The following UNC13A variants were observed in gnomAD, a reference collection of about 807,000 sequenced individuals.
UNC13A encodes the protein protein unc-13 homolog A.
In UNC13A, 61 loss-of-function variants were observed where a neutral mutation model predicts 219.7. The observed-to-expected ratio is 0.28, with a 90% CI of 0.23 to 0.34. The LOEUF (loss-of-function observed/expected upper bound fraction) is 0.34. Ranked by LOEUF, UNC13A falls within the 10% of genes least tolerant of loss-of-function variation. The pLI is 1.00. For synonymous variants in UNC13A, 920 were observed against 884.6 expected (o/e 1.04, Z -0.71); for missense variants, 1,476 against 2,270.3 (o/e 0.65, Z 7.11).
chr19:17,606,585 C>T (rs2076533668), intron 43 of UNC13A, among the ~76,000 whole-genome samples: 1 of 152,244 alleles, frequency 6.6e-6, no homozygotes, highest in South Asian at 2.1e-4. Context: ...CTGTTCTTCC[C>T]ATTTTTCCAC....
At position 17,639,894 on chromosome 19, in the gene UNC13A, C is replaced by T. The variant is rs1358315756; in HGVS notation, c.2802G>A (p.Val934=). 6.2e-7 allele frequency: 1 copy of T among 1,613,756 alleles called. No individual in the cohort carries two copies. Among genetic ancestry groups the T allele is most frequent in the Admixed American group, 1.7e-5 (1 of 59,996 alleles). ...AGTTATGCAGCTGGTCCAGGAGTTT[C>T]ACGAAGCGCTCTTTCTGAGGAGGAA... ...AASNFGKERF[V]KLLDQLHNSL... is the part of the protein sequence containing the mutation. Residue 934 remains valine, a synonymous_variant, in exon 23 of 44, where the codon GTG becomes GTA. Coordinates refer to ENST00000519716, the MANE Select transcript of UNC13A (RefSeq NM_001080421.3).
At chr19:17,659,243 G>C (rs1358696153) in intron 8 of UNC13A, among the ~76,000 whole-genome samples, 1 of 152,024 alleles carries the variant, frequency 6.6e-6, no homozygotes, top group East Asian at 1.9e-4. Flanking sequence ...AGGAGTTCAA[G>C]ACCAGCCTGG....
chr19:17,648,385 G>T, intron 16 of UNC13A, 46 bp downstream of exon 16: 1 of 1,457,004 alleles, frequency 6.9e-7, no homozygotes, highest in Non-Finnish European at 9.1e-7. Flanking sequence ...AAGCCCCGGG[G>T]CTCCCCACGC....
At chr19:17,639,764 C>T (rs2076948270) in intron 23 of UNC13A, 76 bp downstream of exon 23, 2 of 1,547,816 alleles carry the variant, frequency 1.3e-6, no homozygotes, top group South Asian at 2.2e-5. Context: ...CCCATGCACA[C>T]ACCTGCTGGT....
chr19:17,607,117 C>T (rs541334557), intron 43 of UNC13A, among the ~76,000 whole-genome samples: 27 of 152,212 alleles, frequency 1.8e-4, no homozygotes, highest in African/African-American at 6.3e-4. Context: ...GGCCAATCGC[C>T]CCAAAACCTT....
chr19:17,617,715 C>T lies in UNC13A; in HGVS notation c.4545G>A (p.Thr1515=), dbSNP rs1458643978. ...TDLLIKTFVQ[T]QSAQGLGVED... ...GGGTACCCTTACCCTGGGCCGATTG[C>T]GTCTGTACAAAGGTCTTGATTAGCA... Residue 1515 remains threonine (T), a synonymous_variant, in exon 41 of 44, where the codon ACG becomes ACA. Coordinates refer to ENST00000519716, the MANE Select transcript of UNC13A (RefSeq NM_001080421.3). The T allele has an allele frequency of 6.8e-6, 11 of 1,613,838 alleles. No individual in the cohort carries two copies. The highest frequency in any genetic ancestry group is 9.3e-6 in the Non-Finnish European group (11 of 1,179,766).
intron 11 of UNC13A, among the ~76,000 whole-genome samples, chr19:17,654,048 C>T (rs1244208229): frequency 1.3e-5 from 2 of 151,160 alleles, no homozygotes; most frequent in African/African-American, 2.4e-5. Flanking sequence ...AGGATGGTCT[C>T]GATCTCCTGA....
At chr19:17,671,609 A>T (rs1172277014) in intron 4 of UNC13A, among the ~76,000 whole-genome samples, 1 of 151,974 alleles carries the variant, frequency 6.6e-6, no homozygotes, top group African/African-American at 2.4e-5. Context: ...TGTCTCTATT[A>T]AAAATACAAA....
At chr19:17,631,164 TC>T (rs2076843984) in intron 28 of UNC13A, among the ~76,000 whole-genome samples, 1 of 12,478 alleles carries the variant, frequency 8.0e-5, no homozygotes, top group Non-Finnish European at 1.9e-4. Flanking sequence ...TCTCCCTCCC[TC>T]CCTCCCTCCC....
At chr19:17,686,748 G>A (rs897381866) in intron 1 of UNC13A, among the ~76,000 whole-genome samples, 2 of 151,908 alleles carry the variant, frequency 1.3e-5, no homozygotes, top group South Asian at 2.1e-4. Context: ...CAGCCCGGCC[G>A]GATTTGCACT....
At chr19:17,626,394 C>T in intron 34 of UNC13A, 3 of 477,042 alleles carry the variant, frequency 6.3e-6, no homozygotes, top group East Asian at 6.5e-5. Context: ...CTACCCATCC[C>T]TCATGTCACC....
rs1247284616 is a variant in UNC13A, at chr19:17,652,564, A to G, written c.1439+67T>C. On this transcript the variant is annotated intron_variant, in intron 12 of 43. Coordinates refer to ENST00000519716, the MANE Select transcript of UNC13A (RefSeq NM_001080421.3). ...CCTCCTCCTCTCTGGGCTGAGGCTC[A>G]GGCGCAAACCAGCCTTGGACTTGGG... 10 of 1,603,540 alleles carry G rather than the reference A, an allele frequency of 6.2e-6. No homozygotes were observed. In the Admixed American group the frequency reaches 1.5e-4, roughly 24 times the overall value.
chr19:17,613,118 G>A (rs1197135076), intron 41 of UNC13A, among the ~76,000 whole-genome samples: 1 of 152,050 alleles, frequency 6.6e-6, no homozygotes, highest in African/African-American at 2.4e-5. Flanking sequence ...TGTAATCCCA[G>A]CTACTTGGGA....
intron 42 of UNC13A, 84 bp downstream of exon 42, chr19:17,611,678 AC>A: frequency 7.9e-7 from 1 of 1,273,424 alleles, no homozygotes; most frequent in Non-Finnish European, 1.1e-6. Flanking sequence ...AACAACAACA[AC>A]AAAAAAAGGG....
chr19:17,603,329 T>G lies in UNC13A; in HGVS notation c.*2725A>C, dbSNP rs1363529481. 1.3e-5 allele frequency: 2 copies of G among 152,158 alleles called. No individual in the cohort carries two copies. The highest frequency in any genetic ancestry group is 2.9e-5 in the Non-Finnish European group (2 of 68,060). 9.4% of individuals were successfully genotyped at this position (152,158 alleles called of 1,614,324 possible). A position where few individuals can be genotyped will look rare whatever the true frequency, so the allele number is the denominator to read the frequency against. ...CGACTTCCCCATTTCTTTCCAGCCA[T>G]CCAAAAATCTTCCAGATCACCCTCA... On this transcript the variant is annotated 3_prime_UTR_variant, in exon 44 of 44. Coordinates refer to ENST00000519716, the MANE Select transcript of UNC13A (RefSeq NM_001080421.3).
chr19:17,603,188 C>T lies in UNC13A; in HGVS notation c.*2866G>A, dbSNP rs1422990874. 1 of 152,086 alleles carries T rather than the reference C, an allele frequency of 6.6e-6. No homozygotes were observed. The highest frequency in any genetic ancestry group is 1.5e-5 in the Non-Finnish European group (1 of 67,996). 9.4% of individuals were successfully genotyped at this position (152,086 alleles called of 1,614,324 possible). A position where few individuals can be genotyped will look rare whatever the true frequency, so the allele number is the denominator to read the frequency against. On this transcript the variant is annotated 3_prime_UTR_variant, in exon 44 of 44. Transcript: ENST00000519716. ...ATTCCCTGAAGAAGCTTGTTTCCTT[C>T]ACATGCCTGGGCCATTGCTGGGGAA... is the stretch of plus-strand genomic sequence containing the variant.
chr19:17,653,771 G>A (rs1470480961), intron 11 of UNC13A, among the ~76,000 whole-genome samples: 1 of 151,580 alleles, frequency 6.6e-6, no homozygotes, highest in African/African-American at 2.4e-5. Context: ...GGGATTACAG[G>A]CATGAGCTCC....
rs377290737 is a variant in UNC13A, at chr19:17,645,807, G to C, written c.2223C>G (p.Arg741=). 5.0e-6 allele frequency: 8 copies of C among 1,613,088 alleles called. No homozygotes were observed. Among genetic ancestry groups the C allele is most frequent in the African/African-American group, 4.0e-5 (3 of 75,032 alleles). ...CHNSSDRIKV[R]VWDEDDDIKS... ...TGATGTCGTCATCCTCGTCCCAGACGCGCACCTTGATGCGGTCGGAGGAAT... is the reference window on the plus strand; with the variant it reads ...TGATGTCGTCATCCTCGTCCCAGACCCGCACCTTGATGCGGTCGGAGGAAT... Residue 741 remains arginine, a synonymous_variant, in exon 19 of 44, where the codon CGC becomes CGG. Coordinates refer to ENST00000519716, the MANE Select transcript of UNC13A (RefSeq NM_001080421.3).
At chr19:17,671,321 G>A (rs2145905834) in intron 4 of UNC13A, among the ~76,000 whole-genome samples, 1 of 152,290 alleles carries the variant, frequency 6.6e-6, no homozygotes, top group African/African-American at 2.4e-5. Flanking sequence ...GGGAGATGAG[G>A]CTAGTGGGCA....
Sources: gnomAD v4.1 joint callset for allele counts (sites outside exome capture counted in the v4.1 genomes callset) on GRCh38, gnomAD v4.1.1 for gene constraint, MANE v1.5 for transcripts, NCBI Gene and HGNC (gene_info 2026-07-23, HGNC 2026-07-21) for gene names.